Variants in ARSG observed in about 807,000 individuals in gnomAD.
ARSG encodes ASG.
In ARSG, 37 loss-of-function variants were observed where a neutral mutation model predicts 50.5. The observed-to-expected ratio is 0.73, with a 90% CI of 0.56 to 0.96. ARSG has a LOEUF of 0.96. Among genes scored for constraint, ARSG ranks in the 50% least tolerant of loss-of-function variants. ARSG has a pLI of 0.00. For missense variants in ARSG, 629 were observed against 675.3 expected, an observed-to-expected ratio of 0.93 and a Z score of 0.76; for synonymous variants, 225 against 254.6, an observed-to-expected ratio of 0.88 and a Z score of 1.11.
chr17:68,430,120 T>G, the ARSG span: 1 of 1,614,076 alleles, frequency 6.2e-7, no homozygotes, highest in East Asian at 2.2e-5. Context: ...ATAAACATCT[T>G]TCCCATGTAG....
In ARSG at chr17:68,399,195, A is replaced by G. The variant is rs2081373742; in HGVS notation, c.1213-2165A>G. Among the ~76,000 whole-genome samples, 1 of 152,120 alleles carries G rather than the reference A, an allele frequency of 6.6e-6. No homozygotes were observed. The highest frequency in any genetic ancestry group is 2.4e-5 in the African/African-American group (1 of 41,426). On this transcript the variant is annotated intron_variant, in intron 10 of 11. Transcript: ENST00000621439. This position sits in a 1 kb window ranked among gnomAD's most constrained non-coding sequence, Gnocchi z 4.6. The stretch of plus-strand genomic sequence containing the variant: ...AAACAAGCTGAGTTTTAATGTCCAG[A>G]AAGAACGCTGATCACTTCTCTTAGG...
chr17:68,302,559 C>T (rs114543288), intron 1 of ARSG, among the ~76,000 whole-genome samples: 2,419 of 152,188 alleles, frequency 0.016, 61 homozygotes, highest in African/African-American at 0.056. Context: ...GCATTCCATT[C>T]GCTTCTCAGT....
intron 9 of ARSG, among the ~76,000 whole-genome samples, chr17:68,394,799 T>C (rs1223912554): frequency 2.0e-5 from 3 of 152,158 alleles, no homozygotes; most frequent in Admixed American, 6.5e-5. Context: ...AACTGAGGCA[T>C]TGAGAAGCTA....
At chr17:68,285,999 T>G (rs1467269816) in intron 1 of ARSG, among the ~76,000 whole-genome samples, 8 of 152,124 alleles carry the variant, frequency 5.3e-5, no homozygotes, top group Admixed American at 5.2e-4. Context: ...GACCTCGTGA[T>G]CCACCCACCT....
chr17:68,426,512 A>C (rs1377781881), downstream of ARSG, among the ~76,000 whole-genome samples: 2 of 152,066 alleles, frequency 1.3e-5, no homozygotes, highest in African/African-American at 4.8e-5. Flanking sequence ...GGCTAGGACT[A>C]CAGGCTCTTT....
rs2079583385 is a variant in ARSG at position 68,367,097 on chromosome 17, T to TA, written c.705-1449dup. ...ACTTTTAATATGATTTAATTTTCAT[T>TA]AATTTAAATCTAAATAGGTACATGT... is the stretch of plus-strand genomic sequence containing the variant. On this transcript the variant is annotated intron_variant, in intron 6 of 11. Coordinates refer to ENST00000621439, the MANE Select transcript of ARSG (RefSeq NM_001267727.2). The surrounding 1 kb of genome is among the most constrained non-coding windows in gnomAD (Gnocchi z 4.5). 6.6e-6 allele frequency among the ~76,000 whole-genome samples: 1 copy of TA among 152,256 alleles called. No homozygotes were observed. The highest frequency in any genetic ancestry group is 1.5e-5 in the Non-Finnish European group (1 of 68,042).
intron 7 of ARSG, among the ~76,000 whole-genome samples, chr17:68,369,109 T>C (rs1271906915): frequency 1.3e-5 from 2 of 152,240 alleles, no homozygotes; most frequent in Non-Finnish European, 2.9e-5. Flanking sequence ...GTCCCAAAGA[T>C]TCTACTTGCT....
At chr17:68,322,500 C>G (rs111921212) in intron 2 of ARSG, among the ~76,000 whole-genome samples, 30,320 of 151,998 alleles carry the variant, frequency 0.2, 3,903 homozygotes, top group Non-Finnish European at 0.27. Flanking sequence ...GCCTGTAGTC[C>G]CAGCTACTCA....
Position 68,420,210 on chromosome 17 carries a change from G to C in ARSG, c.1325G>C (p.Gly442Ala). 6.2e-7 allele frequency: 1 copy of C among 1,614,034 alleles called. No homozygotes were observed. The highest frequency in any genetic ancestry group is 8.5e-7 in the Non-Finnish European group (1 of 1,180,000). ...YITGGARACDGSTGPELQHKF... is the reference protein window; with the variant it reads ...YITGGARACDASTGPELQHKF... ...CTAGGTGGAGCCAGGGCGTGTGATG[G>C]GAGCACGGGGCCTGAGCTGCAGCAT... Residue 442 changes from glycine (G) to alanine (A), a missense_variant, in exon 12 of 12, where the codon GGG (glycine) becomes GCG (alanine). Physicochemically the swap from Gly to Ala is moderately conservative, Grantham distance 60. Coordinates refer to ENST00000621439, the MANE Select transcript of ARSG (RefSeq NM_001267727.2).
At chr17:68,342,324 G>GTACATATATATATA (rs1206559455) in intron 2 of ARSG, among the ~76,000 whole-genome samples, 1 of 148,430 alleles carries the variant, frequency 6.7e-6, no homozygotes, top group East Asian at 2.0e-4. Flanking sequence ...CTTATTTTAT[G>GTACATATATATATA]TACATATATA....
downstream of ARSG, chr17:68,426,287 G>A (rs2083189685): frequency 1.2e-6 from 1 of 825,120 alleles, no homozygotes; most frequent in Non-Finnish European, 2.0e-6. Flanking sequence ...CAAAGGGGCT[G>A]TCTGTCTTCC....
At chr17:68,288,001 T>C (rs2075881607), upstream of ARSG, among the ~76,000 whole-genome samples, 1 of 150,288 alleles carries the variant, frequency 6.7e-6, no homozygotes, top group Non-Finnish European at 1.5e-5. Flanking sequence ...TTTTTTTTTT[T>C]TTTTTGGGGG....
At chr17:68,421,955 C>A, downstream of ARSG, 1 of 1,041,092 alleles carries the variant, frequency 9.6e-7, no homozygotes, top group Non-Finnish European at 1.5e-6. Flanking sequence ...TGTCTGAACT[C>A]GCTCATGGCC....
At chr17:68,282,761 G>C (rs2075732526) in intron 1 of ARSG, among the ~76,000 whole-genome samples, 1 of 102,682 alleles carries the variant, frequency 9.7e-6, no homozygotes, top group Non-Finnish European at 1.9e-5. Flanking sequence ...GGCCAACATA[G>C]TGAAACCCCA....
upstream of ARSG, among the ~76,000 whole-genome samples, chr17:68,288,286 C>T (rs1449095286): frequency 6.6e-6 from 1 of 152,154 alleles, no homozygotes; most frequent in African/African-American, 2.4e-5. Context: ...AGGCGTGAGC[C>T]ACTGTGCCCG....
chr17:68,404,435 T>C (rs987729572), intron 11 of ARSG, among the ~76,000 whole-genome samples: 1 of 152,230 alleles, frequency 6.6e-6, no homozygotes, highest in African/African-American at 2.4e-5. Flanking sequence ...AGATACCGTG[T>C]ATGTACCCTT....
At chr17:68,351,829 A>T (rs1193538770) in intron 5 of ARSG, 143 bp downstream of exon 5, 1 of 629,616 alleles carries the variant, frequency 1.6e-6, no homozygotes, top group Admixed American at 2.7e-5. Context: ...GTGCAAATTT[A>T]AATGTGTTAT....
At chr17:68,414,340 G>A (rs1025384347) in intron 11 of ARSG, among the ~76,000 whole-genome samples, 1 of 151,990 alleles carries the variant, frequency 6.6e-6, no homozygotes, top group African/African-American at 2.4e-5. Flanking sequence ...CACATTTATT[G>A]GTATATGTTA....
the ARSG span, among the ~76,000 whole-genome samples, chr17:68,437,764 A>G: frequency 2.6e-5 from 4 of 152,186 alleles, no homozygotes; most frequent in African/African-American, 9.6e-5. Flanking sequence ...CCATCAAACC[A>G]CTGAACCAAC....
Sources: allele counts gnomAD v4.1 joint callset (sites outside exome capture counted in the v4.1 genomes callset), GRCh38; gene constraint gnomAD v4.1.1; non-coding constraint Gnocchi (gnomAD v3.1); transcripts MANE v1.5; gene names NCBI Gene and HGNC (gene_info 2026-07-23, HGNC 2026-07-21).